The following EPHA6 variants were observed in gnomAD, a reference collection of about 807,000 sequenced individuals.
EPHA6 encodes ephrin type-A receptor 6.
In EPHA6, 50 loss-of-function variants were observed where a neutral mutation model predicts 112.0. The observed-to-expected ratio is 0.45, with a 90% CI of 0.36 to 0.56. EPHA6 has a LOEUF of 0.56. Among genes scored for constraint, EPHA6 ranks in the 20% least tolerant of loss-of-function variants. The pLI is 0.00. For synonymous variants in EPHA6, 529 were observed against 490.7 expected (o/e 1.08, Z -1.03); for missense variants, 1,280 against 1,417.4 (o/e 0.90, Z 1.56).
rs184522750 is a variant in EPHA6, at chr3:97,512,528, G to A, written c.2201-19830G>A. Among the ~76,000 whole-genome samples, 40 of 152,016 alleles carry A rather than the reference G, an allele frequency of 2.6e-4. No homozygotes were observed. The East Asian group carries it at 7.0e-3, about 26-fold the overall frequency. On this transcript the variant is annotated intron_variant, in intron 10 of 17. Transcript: ENST00000389672. ...GACAGTCCACTAGCTCCTCTTAGAC[G>A]TGGCTATCTAAACACAAGCCCTCCA...
chr3:96,942,270 C>G (rs1222759487), intron 2 of EPHA6, among the ~76,000 whole-genome samples: 2 of 152,176 alleles, frequency 1.3e-5, no homozygotes, highest in African/African-American at 4.8e-5. Flanking sequence ...CACCCAGTTC[C>G]AGCTTCCCAG....
chr3:96,894,853 A>G (rs931672496), intron 2 of EPHA6, among the ~76,000 whole-genome samples: 3 of 152,160 alleles, frequency 2.0e-5, no homozygotes. Context: ...GAAAAAGGAG[A>G]ACCCCCAGAA....
At chr3:97,142,552 C>T (rs1271965859) in intron 3 of EPHA6, among the ~76,000 whole-genome samples, 1 of 151,858 alleles carries the variant, frequency 6.6e-6, no homozygotes, top group Non-Finnish European at 1.5e-5. Context: ...TGTGTGTAAA[C>T]TAGAAAACCT....
intron 2 of EPHA6, among the ~76,000 whole-genome samples, chr3:96,868,799 A>G (rs1018278031): frequency 3.9e-5 from 6 of 152,176 alleles, no homozygotes; most frequent in Admixed American, 3.9e-4. Context: ...TTGAAATTGT[A>G]TAATGTGCTA....
chr3:97,116,978 C>A (rs1329500245), intron 3 of EPHA6, among the ~76,000 whole-genome samples: 2 of 151,692 alleles, frequency 1.3e-5, no homozygotes, highest in Non-Finnish European at 3.0e-5. Flanking sequence ...CTTTTCTCCA[C>A]ATCCTTGTCA....
At chr3:97,234,363 C>A (rs1638593699) in intron 4 of EPHA6, among the ~76,000 whole-genome samples, 1 of 152,026 alleles carries the variant, frequency 6.6e-6, no homozygotes, top group Non-Finnish European at 1.5e-5. Flanking sequence ...AAAACAAATA[C>A]CTTGGAAAAA....
chr3:97,382,924 A>T (rs1298449324), intron 5 of EPHA6, among the ~76,000 whole-genome samples: 1 of 152,046 alleles, frequency 6.6e-6, no homozygotes, highest in Non-Finnish European at 1.5e-5. Flanking sequence ...AGGTAGCAAG[A>T]TGTCATCTAC....
intron 7 of EPHA6, among the ~76,000 whole-genome samples, chr3:97,454,639 TG>T (rs1383175428): frequency 6.6e-6 from 1 of 151,848 alleles, no homozygotes. Flanking sequence ...ATTCTAAATT[TG>T]GGGGCACATT....
chr3:97,509,344 T>C (rs992093490), intron 10 of EPHA6, among the ~76,000 whole-genome samples: 1 of 152,156 alleles, frequency 6.6e-6, no homozygotes, highest in Non-Finnish European at 1.5e-5. Flanking sequence ...ATTGCATGTT[T>C]AGTGCTTCCT....
At chr3:97,284,651 G>A (rs1328784050) in intron 5 of EPHA6, among the ~76,000 whole-genome samples, 1 of 152,136 alleles carries the variant, frequency 6.6e-6, no homozygotes, top group African/African-American at 2.4e-5. Flanking sequence ...GCACTATGGA[G>A]TAGAAGTACT....
chr3:96,981,601 T>C (rs1012443124), intron 2 of EPHA6, among the ~76,000 whole-genome samples: 4 of 152,212 alleles, frequency 2.6e-5, no homozygotes, highest in Non-Finnish European at 5.9e-5. Flanking sequence ...TCTTTTTCTA[T>C]TGATTGGAAT....
intron 3 of EPHA6, among the ~76,000 whole-genome samples, chr3:97,105,088 C>A (rs1221378423): frequency 2.6e-5 from 4 of 151,410 alleles, no homozygotes; most frequent in South Asian, 2.1e-4. Context: ...TAAAAAAAAA[C>A]TCCTCGATTT....
chr3:97,053,831 C>T (rs192734114), intron 3 of EPHA6, among the ~76,000 whole-genome samples: 1 of 152,170 alleles, frequency 6.6e-6, no homozygotes, highest in Admixed American at 6.6e-5. Context: ...AAAGCTTAAC[C>T]TTCAGAGTAC....
Position 96,966,989 on chromosome 3 carries a change from T to G in EPHA6, c.451-20341T>G, listed in dbSNP as rs74999827. ...CATTTAGCTTAATTCTGTGTCATTT[T>G]AATTTTTAACCACTTAGGAAAATAA... On this transcript the variant is annotated intron_variant, in intron 2 of 17. Transcript: ENST00000389672. 3.0e-3 allele frequency among the ~76,000 whole-genome samples: 450 copies of G among 152,104 alleles called. 4 individuals are homozygous for G. Among genetic ancestry groups the G allele is most frequent in the African/African-American group, 9.8e-3 (407 of 41,560 alleles).
intron 7 of EPHA6, among the ~76,000 whole-genome samples, chr3:97,474,193 A>G (rs1196207711): frequency 2.0e-5 from 3 of 151,896 alleles, no homozygotes; most frequent in Non-Finnish European, 4.4e-5. Context: ...ACTTCTGTGG[A>G]AGCTGTAAAA....
rs79143057 is a variant in EPHA6 at position 97,346,748 on chromosome 3, G to A, written c.1607-58402G>A. On this transcript the variant is annotated intron_variant, in intron 5 of 17. Coordinates refer to ENST00000389672, the MANE Select transcript of EPHA6 (RefSeq NM_001080448.3). ...GCTGGAAAATGTAGTCTTTAGCTGG[G>A]ATACCAAATGTCTATATTCTAGGAC... is the stretch of plus-strand genomic sequence containing the variant. Among the ~76,000 whole-genome samples the A allele has an allele frequency of 6.7e-3, 1,025 of 151,980 alleles. 14 individuals are homozygous for A. The highest frequency in any genetic ancestry group is 0.024 in the African/African-American group (982 of 41,432).
chr3:96,917,374 G>A (rs1485031952), intron 2 of EPHA6, among the ~76,000 whole-genome samples: 3 of 141,560 alleles, frequency 2.1e-5, no homozygotes, highest in East Asian at 2.1e-4. Flanking sequence ...AGCCAATATC[G>A]TGCCGCTACA....
intron 5 of EPHA6, among the ~76,000 whole-genome samples, chr3:97,268,717 A>C (rs2079780582): frequency 6.6e-6 from 1 of 152,178 alleles, no homozygotes; most frequent in African/African-American, 2.4e-5. Context: ...TTGAATGTTT[A>C]ATACAATGAT....
intron 11 of EPHA6, among the ~76,000 whole-genome samples, chr3:97,558,939 T>C (rs1318842075): frequency 1.3e-5 from 2 of 152,048 alleles, no homozygotes; most frequent in African/African-American, 4.8e-5. Context: ...TAGTGCTTAT[T>C]GATAACTTAT....
Sources: gnomAD v4.1 joint callset for allele counts (sites outside exome capture counted in the v4.1 genomes callset) on GRCh38, gnomAD v4.1.1 for gene constraint, MANE v1.5 for transcripts, NCBI Gene and HGNC (gene_info 2026-07-23, HGNC 2026-07-21) for gene names.